Variants in DENND1B observed in about 807,000 individuals in gnomAD.
DENND1B encodes the protein DENN domain-containing protein 1B.
In DENND1B, 59 loss-of-function variants were observed where a neutral mutation model predicts 90.1. That is an observed-to-expected ratio of 0.65 (90% CI 0.53 to 0.81). DENND1B has a LOEUF of 0.81. DENND1B is among the 40% of genes least tolerant of loss of function. The pLI, the probability that DENND1B is intolerant of heterozygous loss-of-function variation, is 0.00. For synonymous variants in DENND1B, 337 were observed against 324.6 expected (o/e 1.04, Z -0.41); for missense variants, 862 against 912.6 (o/e 0.94, Z 0.71).
At chr1:197,673,325 C>A (rs1304295479) in intron 4 of DENND1B, among the ~76,000 whole-genome samples, 2 of 151,932 alleles carry the variant, frequency 1.3e-5, no homozygotes, top group Non-Finnish European at 2.9e-5. Flanking sequence ...CAAGGAGTAT[C>A]ATTCATCAAC....
chr1:197,647,848 C>T (rs1448545808), intron 7 of DENND1B, among the ~76,000 whole-genome samples: 1 of 149,456 alleles, frequency 6.7e-6, no homozygotes, highest in Non-Finnish European at 1.5e-5. Flanking sequence ...CTCAGGAGGC[C>T]AAGGCAGGAG....
chr1:197,589,039 A>G (rs1215826259), intron 14 of DENND1B, among the ~76,000 whole-genome samples: 6 of 152,250 alleles, frequency 3.9e-5, no homozygotes, highest in East Asian at 3.9e-4. Context: ...AAAAGGAACT[A>G]ATTTTTCTAA....
chr1:197,621,701 TACC>T (rs1558315758), intron 10 of DENND1B, among the ~76,000 whole-genome samples: 1 of 151,372 alleles, frequency 6.6e-6, no homozygotes, highest in Non-Finnish European at 1.5e-5. Context: ...GCTTCTTTAA[TACC>T]ACAATTGTTC....
intron 2 of DENND1B, among the ~76,000 whole-genome samples, chr1:197,770,785 A>AAAT (rs1252034991): frequency 4.1e-4 from 57 of 139,512 alleles, no homozygotes; most frequent in Middle Eastern, 7.4e-3. Flanking sequence ...TAAATATATA[A>AAAT]ATATATATCT....
At chr1:197,758,426 A>C (rs190303830) in intron 2 of DENND1B, among the ~76,000 whole-genome samples, 153 of 152,340 alleles carry the variant, frequency 1.0e-3, no homozygotes, top group African/African-American at 2.9e-3. Context: ...TACGGCTAAC[A>C]ACCACAACAC....
At chr1:197,700,740 T>C (rs1658940955) in intron 3 of DENND1B, among the ~76,000 whole-genome samples, 1 of 151,956 alleles carries the variant, frequency 6.6e-6, no homozygotes, top group Non-Finnish European at 1.5e-5. Context: ...TTAAACAAAT[T>C]TACAAGAAAA....
At chr1:197,690,793 T>C (rs1328878220) in intron 3 of DENND1B, among the ~76,000 whole-genome samples, 2 of 152,080 alleles carry the variant, frequency 1.3e-5, no homozygotes. Context: ...GAACATTTTA[T>C]GGAACATTTT....
chr1:197,519,327 A>C (rs1668610751), intron 20 of DENND1B, among the ~76,000 whole-genome samples: 1 of 151,934 alleles, frequency 6.6e-6, no homozygotes, highest in African/African-American at 2.4e-5. Flanking sequence ...TTTTGCTGAG[A>C]ACCTATTAAT....
At chr1:197,780,895 T>C in the DENND1B span, among the ~76,000 whole-genome samples, 14 of 152,128 alleles carry the variant, frequency 9.2e-5, no homozygotes, top group African/African-American at 3.4e-4. Context: ...ATATTAATGG[T>C]GTAGAGAAAC....
chr1:197,596,541 C>T (rs1428410545), intron 13 of DENND1B, among the ~76,000 whole-genome samples: 1 of 151,828 alleles, frequency 6.6e-6, no homozygotes, highest in East Asian at 1.9e-4. Flanking sequence ...TATTCTTACC[C>T]TTATGAAACT....
In DENND1B at chr1:197,775,473, C is replaced by G; in HGVS notation, c.-318G>C. On this transcript the variant is annotated 5_prime_UTR_variant, in exon 1 of 23. Coordinates refer to ENST00000620048, the MANE Select transcript of DENND1B (RefSeq NM_001195215.2). ...GGGCCGCCCGCTGCGGCTCCTGCAC[C>G]TTCTTGCAAATCAGGAAGTCGCCGG... is the stretch of plus-strand genomic sequence containing the variant. 1 of 245,850 alleles carries G rather than the reference C, an allele frequency of 4.1e-6. No individual in the cohort carries two copies. The highest frequency in any genetic ancestry group is 7.8e-6 in the Non-Finnish European group (1 of 128,772). The allele number at this position is 245,850 out of a possible 1,614,324, so 15.2% of individuals were successfully genotyped here.
intron 1 of DENND1B, among the ~76,000 whole-genome samples, chr1:197,773,946 T>C (rs572791993): frequency 3.3e-5 from 5 of 152,328 alleles, no homozygotes; most frequent in African/African-American, 1.2e-4. Context: ...CAGCTCTGAC[T>C]TTAAAAAAAA....
intron 15 of DENND1B, among the ~76,000 whole-genome samples, chr1:197,572,044 G>A (rs532137399): frequency 6.6e-6 from 1 of 152,218 alleles, no homozygotes; most frequent in East Asian, 1.9e-4. Context: ...GAGGTACATG[G>A]TTCATCTCAT....
intron 2 of DENND1B, among the ~76,000 whole-genome samples, chr1:197,757,617 T>C (rs535628756): frequency 1.3e-5 from 2 of 152,320 alleles, no homozygotes; most frequent in African/African-American, 4.8e-5. Flanking sequence ...ATAAACTTCA[T>C]CAACATTATT....
intron 20 of DENND1B, among the ~76,000 whole-genome samples, chr1:197,539,406 A>G (rs1372434481): frequency 1.3e-5 from 2 of 152,164 alleles, no homozygotes; most frequent in East Asian, 1.9e-4. Flanking sequence ...TAGAGCCTTC[A>G]TAAATGTACT....
chr1:197,755,701 C>G (rs1416272708), intron 2 of DENND1B, among the ~76,000 whole-genome samples: 1 of 152,124 alleles, frequency 6.6e-6, no homozygotes, highest in African/African-American at 2.4e-5. Context: ...TTGGACTTAA[C>G]AGTTCCACAT....
At chr1:197,606,942 G>C in intron 13 of DENND1B, 131 bp downstream of exon 13, 1 of 647,508 alleles carries the variant, frequency 1.5e-6, no homozygotes, top group Non-Finnish European at 2.7e-6. Context: ...AATCAACATT[G>C]ATTTCTCTCA....
At chr1:197,750,583 T>TAGATAGATAGAC (rs968165855) in intron 2 of DENND1B, among the ~76,000 whole-genome samples, 15 of 151,204 alleles carry the variant, frequency 9.9e-5, no homozygotes, top group Non-Finnish European at 2.2e-4. Context: ...GATAGATAGA[T>TAGATAGATAGAC]AGATAGATAG....
chr1:197,743,074 C>T (rs1179956993), intron 2 of DENND1B, among the ~76,000 whole-genome samples: 2 of 152,184 alleles, frequency 1.3e-5, no homozygotes, highest in Non-Finnish European at 2.9e-5. Flanking sequence ...TCCAGACTAT[C>T]TTTTCCAGGA....
Sources: gnomAD v4.1 joint callset for allele counts (sites outside exome capture counted in the v4.1 genomes callset) on GRCh38, gnomAD v4.1.1 for gene constraint, MANE v1.5 for transcripts, NCBI Gene and HGNC (gene_info 2026-07-23, HGNC 2026-07-21) for gene names.